Variants in AGL observed in about 807,000 individuals in gnomAD.
AGL encodes the protein amylo-alpha-1,6-glucosidase and 4-alpha-glucanotransferase.
In AGL, 128 loss-of-function variants were observed where a neutral mutation model predicts 199.3. That is an observed-to-expected ratio of 0.64 (90% CI 0.56 to 0.74). The LOEUF (loss-of-function observed/expected upper bound fraction) is 0.74. AGL is among the 30% of genes least tolerant of loss of function. The pLI, the probability that AGL is intolerant of heterozygous loss-of-function variation, is 0.00. For synonymous variants in AGL, 584 were observed against 594.7 expected (o/e 0.98, Z 0.26); for missense variants, 1,809 against 1,820.8 (o/e 0.99, Z 0.12).
chr1:99,900,229 C>T (rs1653719197), intron 25 of AGL, among the ~76,000 whole-genome samples: 1 of 152,148 alleles, frequency 6.6e-6, no homozygotes, highest in African/African-American at 2.4e-5. Context: ...TATGCCCAGC[C>T]AGTTTGTTTT....
At chr1:99,907,906 A>G (rs930491130) in intron 27 of AGL, among the ~76,000 whole-genome samples, 1 of 151,912 alleles carries the variant, frequency 6.6e-6, no homozygotes, top group African/African-American at 2.4e-5. Context: ...TGCTTTGTAT[A>G]TTCTGGATAC....
Position 99,877,838 on chromosome 1 carries a change from A to T in AGL, c.1611+10A>T. On this transcript the variant is annotated intron_variant, in intron 12 of 33. Coordinates refer to ENST00000361915, the MANE Select transcript of AGL (RefSeq NM_000642.3). ...TCTTCACGTAGCTGAGGTACAGAAA[A>T]ACAATTTATCTACATTAAGAAAAGA... 1 of 1,613,230 alleles carries T rather than the reference A, an allele frequency of 6.2e-7. No individual in the cohort carries two copies. Among genetic ancestry groups the T allele is most frequent in the Non-Finnish European group, 8.5e-7 (1 of 1,179,308 alleles).
chr1:99,915,380 A>T lies in AGL; in HGVS notation c.4162-9A>T, dbSNP rs760438538. Reference sequence around the variant, plus strand: ...AAAAATTTGTATATTTGTTTTTGGCATTCACTAGGCCCCTGAGCTCTTTAC... The same window carrying T: ...AAAAATTTGTATATTTGTTTTTGGCTTTCACTAGGCCCCTGAGCTCTTTAC... On this transcript the variant is annotated splice_polypyrimidine_tract_variant and intron_variant, in intron 30 of 33. Coordinates refer to ENST00000361915, the MANE Select transcript of AGL (RefSeq NM_000642.3). 13 of 1,610,336 alleles carry T rather than the reference A, an allele frequency of 8.1e-6. No individual in the cohort carries two copies. Among genetic ancestry groups the T allele is most frequent in the Non-Finnish European group, 1.0e-5 (12 of 1,176,754 alleles).
Position 99,891,281 on chromosome 1 carries a change from TA to T in AGL, c.2876del (p.Asn959IlefsTer2). 1 of 1,613,748 alleles carries T rather than the reference TA, an allele frequency of 6.2e-7. No individual in the cohort carries two copies. Among genetic ancestry groups the T allele is most frequent in the Non-Finnish European group, 8.5e-7 (1 of 1,179,760 alleles). On this transcript the variant is annotated frameshift_variant, in exon 22 of 34. Coordinates refer to ENST00000361915, the MANE Select transcript of AGL (RefSeq NM_000642.3). LOFTEE classifies it high-confidence loss of function. ...ATGACTTGGGGCATCCTTTTTGTAA[TA>T]ATTTGAGATCTGGAGATTGGATGAT... ...KNDLGHPFCN[N>X]LRSGDWMIDY...
upstream of AGL, chr1:99,850,001 G>A (rs952702019): frequency 6.6e-6 from 1 of 152,362 alleles, no homozygotes; most frequent in Non-Finnish European, 1.5e-5. Context: ...GCAGGCTCCA[G>A]GTCCCCCGGC....
rs1650044463 is a variant in AGL, at chr1:99,861,634, G to C, written c.214G>C (p.Glu72Gln). The C allele has an allele frequency of 6.2e-7, 1 of 1,613,498 alleles. No homozygotes were observed. The highest frequency in any genetic ancestry group is 8.5e-7 in the Non-Finnish European group (1 of 1,179,552). The change falls in exon 3 of 34, where the codon GAA (glutamate) becomes CAA (glutamine). Residue 72 changes from glutamate to glutamine, a missense_variant. Coordinates refer to ENST00000361915, the MANE Select transcript of AGL (RefSeq NM_000642.3). ...FRSLDWENPT[E>Q]REDDSDKYCK... Reference sequence around the variant, plus strand: ...TTCTCTGGATTGGGAAAATCCAACAGAAAGAGAAGATGATTCTGATAAATA... The same window carrying C: ...TTCTCTGGATTGGGAAAATCCAACACAAAGAGAAGATGATTCTGATAAATA...
rs765840814 is a variant in AGL, at chr1:99,916,735, A to C, written c.4481+4A>C. ...GACATTATGTTCATCTTGAGAGGTA[A>C]GTCATCAGGAGCATGTAATTTCCAT... On this transcript the variant is annotated splice_donor_region_variant and intron_variant, in intron 33 of 33. Transcript: ENST00000361915. 5.0e-6 allele frequency: 8 copies of C among 1,612,666 alleles called. No individual in the cohort carries two copies. The highest frequency in any genetic ancestry group is 3.3e-4 in the Middle Eastern group (2 of 6,046).
chr1:99,868,831 T>TG (rs1473041493), intron 5 of AGL, among the ~76,000 whole-genome samples: 2 of 149,860 alleles, frequency 1.3e-5, no homozygotes, highest in African/African-American at 5.0e-5. Context: ...TACTCTTTTT[T>TG]TTTTTTTTTT....
At position 99,875,407 on chromosome 1, in the gene AGL, A is replaced by G. The variant is rs762046235; in HGVS notation, c.1235A>G (p.His412Arg). ...GNVFYERLAG[H>R]GPKLGPVTRK... ...GTGTTTTATGAACGACTGGCTGGCC[A>G]TGGTCCAAAACTAGGACCTGTCACT... The change falls in exon 10 of 34, where the codon CAT becomes CGT. Residue 412 changes from histidine (H) to arginine (R), a missense_variant. Physicochemically the swap from His to Arg is conservative, Grantham distance 29. Coordinates refer to ENST00000361915, the MANE Select transcript of AGL (RefSeq NM_000642.3). The G allele has an allele frequency of 3.1e-6, 5 of 1,614,050 alleles. No individual in the cohort carries two copies. The highest frequency in any genetic ancestry group is 3.3e-5 in the Admixed American group (2 of 60,014).
At chr1:99,920,237 G>C (rs1655422424) in intron 33 of AGL, among the ~76,000 whole-genome samples, 1 of 152,142 alleles carries the variant, frequency 6.6e-6, no homozygotes, top group South Asian at 2.1e-4. Flanking sequence ...TCACAGTTCT[G>C]GAGGCCAGAA....
intron 7 of AGL, among the ~76,000 whole-genome samples, chr1:99,872,825 C>G (rs928965579): frequency 1.3e-5 from 2 of 152,176 alleles, no homozygotes; most frequent in African/African-American, 2.4e-5. Flanking sequence ...CCGCGCCCAG[C>G]CTTTTAAGTT....
chr1:99,913,297 T>C (rs994830626), intron 29 of AGL, among the ~76,000 whole-genome samples: 2 of 152,192 alleles, frequency 1.3e-5, no homozygotes, highest in Non-Finnish European at 2.9e-5. Context: ...CAATATAAAA[T>C]TATTCATGAG....
chr1:99,862,659 G>T (rs1650154689), intron 4 of AGL, among the ~76,000 whole-genome samples: 1 of 152,158 alleles, frequency 6.6e-6, no homozygotes, highest in Non-Finnish European at 1.5e-5. Flanking sequence ...CAAAGGGGAA[G>T]CAGGCATGTC....
intron 5 of AGL, among the ~76,000 whole-genome samples, chr1:99,869,788 G>A (rs897767042): frequency 3.9e-5 from 6 of 152,124 alleles, no homozygotes; most frequent in African/African-American, 7.2e-5. Flanking sequence ...CAAATTCCAT[G>A]TAACTTTCAT....
At chr1:99,878,540 C>G (rs554993653) in intron 12 of AGL, among the ~76,000 whole-genome samples, 1 of 152,044 alleles carries the variant, frequency 6.6e-6, no homozygotes, top group South Asian at 2.1e-4. Context: ...TAACTTCTAT[C>G]TAATACAATC....
At chr1:99,890,461 T>C (rs1177978011) in intron 21 of AGL, among the ~76,000 whole-genome samples, 1 of 152,152 alleles carries the variant, frequency 6.6e-6, no homozygotes, top group East Asian at 1.9e-4. Context: ...CTTAAATTTA[T>C]ATAGTTTTTA....
chr1:99,852,559 A>C, intron 2 of AGL: 1 of 351,414 alleles, frequency 2.8e-6, no homozygotes, highest in Non-Finnish European at 4.9e-6. Context: ...TTTTTTTTGT[A>C]GAAACTGGGT....
At position 99,922,212 on chromosome 1, in the gene AGL, AT is replaced by A. The variant is rs886044926; in HGVS notation, c.*562del. The A allele has an allele frequency of 3.3e-5, 5 of 151,814 alleles. No individual in the cohort carries two copies. The allele number at this position is 151,814 out of a possible 1,614,324, so 9.4% of individuals were successfully genotyped here. A position where few individuals can be genotyped will look rare whatever the true frequency, so the allele number is the denominator to read the frequency against. ...AAACTATGCTTTCATTTTTTCACTG[AT>A]ATATTAATTTTTGTGTAATGAATGC... On this transcript the variant is annotated 3_prime_UTR_variant, in exon 34 of 34. Transcript: ENST00000361915.
At chr1:99,872,180 T>G (rs2101117891) in intron 7 of AGL, among the ~76,000 whole-genome samples, 1 of 152,314 alleles carries the variant, frequency 6.6e-6, no homozygotes, top group East Asian at 1.9e-4. Context: ...TTTTCATTTT[T>G]CATTCATTCA....
Sources: allele counts gnomAD v4.1 joint callset (sites outside exome capture counted in the v4.1 genomes callset), GRCh38; gene constraint gnomAD v4.1.1; transcripts MANE v1.5; gene names NCBI Gene and HGNC (gene_info 2026-07-23, HGNC 2026-07-21).